The following IQCM variants were observed in gnomAD, a reference collection of about 807,000 sequenced individuals.
The protein encoded by IQCM is IQ domain-containing protein M.
IQCM carries 45 observed loss-of-function variants against 57.6 expected under a neutral mutation model. That is an observed-to-expected ratio of 0.78 (90% CI 0.62 to 1.00). The LOEUF (loss-of-function observed/expected upper bound fraction) is 1.00. IQCM is among the 50% of genes least tolerant of loss of function. The pLI is 0.00. For missense variants in IQCM, 468 were observed against 511.6 expected (o/e 0.91, Z 0.82); for synonymous variants, 148 against 158.9 (o/e 0.93, Z 0.51).
At chr4:149,613,208 G>A (rs1054938110) in intron 8 of IQCM, among the ~76,000 whole-genome samples, 6 of 151,932 alleles carry the variant, frequency 3.9e-5, no homozygotes, top group Non-Finnish European at 7.4e-5. Flanking sequence ...TGTTTTGGAG[G>A]AGAGAAGAAA....
intron 12 of IQCM, among the ~76,000 whole-genome samples, chr4:149,440,947 C>A (rs970392646): frequency 6.6e-6 from 1 of 151,960 alleles, no homozygotes; most frequent in Admixed American, 6.6e-5. Context: ...GGATACAAAT[C>A]AATTTATAAA....
intron 13 of IQCM, among the ~76,000 whole-genome samples, chr4:149,393,081 G>A (rs946853833): frequency 6.6e-6 from 1 of 151,946 alleles, no homozygotes; most frequent in Non-Finnish European, 1.5e-5. Context: ...AGGCTGAGAT[G>A]TAATGCTCAT....
chr4:149,513,890 C>T (rs567544799), intron 12 of IQCM, among the ~76,000 whole-genome samples: 4 of 152,196 alleles, frequency 2.6e-5, no homozygotes. Flanking sequence ...ATGACATAAA[C>T]TCCTAGATAC....
intron 8 of IQCM, among the ~76,000 whole-genome samples, chr4:149,593,016 G>A (rs532021621): frequency 2.0e-5 from 3 of 152,190 alleles, no homozygotes; most frequent in Non-Finnish European, 2.9e-5. Context: ...AGCTTGATGG[G>A]GATGGCATTG....
intron 8 of IQCM, among the ~76,000 whole-genome samples, chr4:149,603,830 C>T (rs761395440): frequency 1.3e-5 from 2 of 151,990 alleles, no homozygotes; most frequent in Admixed American, 6.6e-5. Context: ...CTAAATTCAG[C>T]ATTTTTACCC....
intron 13 of IQCM, among the ~76,000 whole-genome samples, chr4:149,418,577 A>G (rs867411701): frequency 7.2e-5 from 11 of 152,172 alleles, no homozygotes; most frequent in Admixed American, 5.9e-4. Context: ...GAACTCCTCC[A>G]TAACTCATTC....
intron 8 of IQCM, among the ~76,000 whole-genome samples, chr4:149,605,000 A>G (rs1488806187): frequency 2.0e-5 from 3 of 152,206 alleles, no homozygotes; most frequent in African/African-American, 4.8e-5. Context: ...TGATTTCACA[A>G]TCACATATCT....
chr4:149,518,168 C>G (rs533354500), intron 12 of IQCM, among the ~76,000 whole-genome samples: 6 of 152,100 alleles, frequency 3.9e-5, no homozygotes, highest in Non-Finnish European at 7.4e-5. Context: ...TACCATGAGG[C>G]TAAAGCTAGT....
intron 12 of IQCM, among the ~76,000 whole-genome samples, chr4:149,440,602 A>AT (rs1187491650): frequency 6.6e-6 from 1 of 152,078 alleles, no homozygotes; most frequent in Non-Finnish European, 1.5e-5. Flanking sequence ...AAATATATAC[A>AT]TTTTTTTCCT....
intron 13 of IQCM, among the ~76,000 whole-genome samples, chr4:149,358,032 T>C (rs1170674335): frequency 6.6e-6 from 1 of 152,210 alleles, no homozygotes; most frequent in Non-Finnish European, 1.5e-5. Flanking sequence ...TTTATTTGCG[T>C]AGAGATGTTT....
intron 12 of IQCM, among the ~76,000 whole-genome samples, chr4:149,481,701 G>GTTTTTTTTTTTTTTGTTTTGTT (rs1740834894): frequency 7.8e-5 from 4 of 51,550 alleles, no homozygotes; most frequent in Non-Finnish European, 1.1e-4. Flanking sequence ...TTCCAGTTTT[G>GTTTTTTTTTTTTTTGTTTTGTT]TTTTTTTTTT....
At chr4:149,386,484 C>T (rs1171935848) in intron 13 of IQCM, among the ~76,000 whole-genome samples, 3 of 151,934 alleles carry the variant, frequency 2.0e-5, no homozygotes, top group Non-Finnish European at 4.4e-5. Context: ...TTTAATTATA[C>T]CTTTTAAAAG....
chr4:149,409,767 G>T (rs1056353261), intron 13 of IQCM, among the ~76,000 whole-genome samples: 48 of 152,118 alleles, frequency 3.2e-4, no homozygotes, highest in African/African-American at 1.1e-3. Flanking sequence ...AGCAGCAAAA[G>T]CCTCGGTAGT....
At chr4:149,407,018 C>T (rs950460974) in intron 13 of IQCM, among the ~76,000 whole-genome samples, 1 of 151,268 alleles carries the variant, frequency 6.6e-6, no homozygotes, top group Non-Finnish European at 1.5e-5. Context: ...TGGTGGAAGG[C>T]GAAAGGCACG....
chr4:149,578,909 G>A (rs1192303323), intron 9 of IQCM, among the ~76,000 whole-genome samples: 2 of 151,820 alleles, frequency 1.3e-5, no homozygotes, highest in Admixed American at 1.3e-4. Flanking sequence ...CTGGATTAGA[G>A]AGAGATGGGA....
intron 7 of IQCM, among the ~76,000 whole-genome samples, chr4:149,656,088 C>A (rs565533697): frequency 5.1e-4 from 77 of 152,052 alleles, no homozygotes; most frequent in Non-Finnish European, 1.0e-3. Flanking sequence ...ATTCCCTCAT[C>A]TGAAAAACAG....
chr4:149,655,742 T>A (rs1318275026), intron 7 of IQCM, among the ~76,000 whole-genome samples: 4 of 152,152 alleles, frequency 2.6e-5, no homozygotes, highest in Admixed American at 2.6e-4. Flanking sequence ...AAATTTTAAC[T>A]GAGTGCATGG....
chr4:149,662,234 T>C (rs933690285), intron 7 of IQCM, among the ~76,000 whole-genome samples: 3 of 152,068 alleles, frequency 2.0e-5, no homozygotes, highest in Admixed American at 6.6e-5. Context: ...CTAATGTCCA[T>C]GTTTTTGTTA....
intron 12 of IQCM, among the ~76,000 whole-genome samples, chr4:149,443,248 G>C (rs560594652): frequency 6.6e-6 from 1 of 151,940 alleles, no homozygotes; most frequent in African/African-American, 2.4e-5. Flanking sequence ...AACTTCAATC[G>C]AATCTAGAAA....
Sources: allele counts gnomAD v4.1 joint callset (sites outside exome capture counted in the v4.1 genomes callset), GRCh38; gene constraint gnomAD v4.1.1; transcripts MANE v1.5; gene names NCBI Gene and HGNC (gene_info 2026-07-23, HGNC 2026-07-21).